ROBO1: variants seen among roughly 807,000 people sequenced by gnomAD.
The protein encoded by ROBO1 is roundabout guidance receptor 1, also known as roundabout homolog 1.
Under a neutral mutation model 195.9 loss-of-function variants are expected in ROBO1, and 149 were observed. The observed-to-expected ratio is 0.76, with a 90% CI of 0.67 to 0.87. The LOEUF is 0.87. Ranked by LOEUF, ROBO1 falls within the 40% of genes least tolerant of loss-of-function variation. The pLI is 0.00. For synonymous variants in ROBO1, 816 were observed against 733.2 expected, an observed-to-expected ratio of 1.11 and a Z score of -1.82; for missense variants, 1,933 against 2,068.3, an observed-to-expected ratio of 0.93 and a Z score of 1.27.
chr3:78,644,241 T>C (rs1474876323), intron 21 of ROBO1, among the ~76,000 whole-genome samples: 4 of 152,236 alleles, frequency 2.6e-5, no homozygotes, highest in African/African-American at 9.6e-5. Flanking sequence ...GTAGCATTTA[T>C]CAACTGCTGA....
chr3:79,763,068 T>C (rs1323567178), intron 1 of ROBO1, among the ~76,000 whole-genome samples: 2 of 152,196 alleles, frequency 1.3e-5, no homozygotes, highest in Non-Finnish European at 2.9e-5. Flanking sequence ...TTGAATGCTT[T>C]CCTTTAGGAC....
At chr3:79,203,825 T>C (rs552099502) in intron 2 of ROBO1, among the ~76,000 whole-genome samples, 46 of 152,292 alleles carry the variant, frequency 3.0e-4, no homozygotes, top group African/African-American at 1.1e-3. Context: ...CATAGTAACA[T>C]CATCGGTGGT....
intron 3 of ROBO1, among the ~76,000 whole-genome samples, chr3:79,095,729 T>C (rs375687588): frequency 6.6e-6 from 1 of 152,038 alleles, no homozygotes; most frequent in Non-Finnish European, 1.5e-5. Context: ...ACAAGATGAG[T>C]TCTCTCTCTT....
intron 2 of ROBO1, among the ~76,000 whole-genome samples, chr3:79,562,151 A>C (rs772408766): frequency 6.6e-6 from 1 of 152,108 alleles, no homozygotes; most frequent in Non-Finnish European, 1.5e-5. Context: ...TCAGAGTTCA[A>C]AATGTTCTGT....
chr3:79,193,713 T>C (rs1403534967), intron 2 of ROBO1, among the ~76,000 whole-genome samples: 3 of 150,892 alleles, frequency 2.0e-5, no homozygotes. Context: ...TTCTTACATA[T>C]GATGATAATT....
intron 10 of ROBO1, among the ~76,000 whole-genome samples, chr3:78,678,966 G>T (rs1344315479): frequency 2.6e-5 from 4 of 152,088 alleles, no homozygotes; most frequent in East Asian, 1.9e-4. Context: ...ACATCAAAAA[G>T]CTTATCCACC....
At chr3:79,376,432 GT>G (rs2036386903) in intron 2 of ROBO1, among the ~76,000 whole-genome samples, 1 of 152,122 alleles carries the variant, frequency 6.6e-6, no homozygotes. Flanking sequence ...TAGTGATATG[GT>G]TTGGCTGTGT....
chr3:79,365,506 A>T (rs2109318104), intron 2 of ROBO1, among the ~76,000 whole-genome samples: 1 of 152,272 alleles, frequency 6.6e-6, no homozygotes, highest in East Asian at 1.9e-4. Context: ...TTCATGAATA[A>T]GTAAAAGTCC....
chr3:78,828,403 C>A (rs1051604038), intron 4 of ROBO1, among the ~76,000 whole-genome samples: 4 of 152,098 alleles, frequency 2.6e-5, no homozygotes, highest in African/African-American at 9.7e-5. Flanking sequence ...TAATTTATTG[C>A]TGTAGTCTTC....
intron 8 of ROBO1, among the ~76,000 whole-genome samples, chr3:78,689,739 T>C (rs2081130526): frequency 6.6e-6 from 1 of 152,044 alleles, no homozygotes; most frequent in South Asian, 2.1e-4. Flanking sequence ...AGGGTTTGTC[T>C]ACTCCACTTT....
chr3:79,756,088 T>C (rs1040440637), intron 1 of ROBO1, among the ~76,000 whole-genome samples: 2 of 152,216 alleles, frequency 1.3e-5, no homozygotes, highest in African/African-American at 2.4e-5. Flanking sequence ...AATATACTTG[T>C]TTAGTATATT....
At position 78,631,378 on chromosome 3, in the gene ROBO1, T is replaced by C; in HGVS notation, c.3482-73A>G. ...TTTTCCATTAGTCACAAGTTAATTATTTTTTGTAAATATGATTTTATAATT... is the reference window on the plus strand; with the variant it reads ...TTTTCCATTAGTCACAAGTTAATTACTTTTTGTAAATATGATTTTATAATT... On this transcript the variant is annotated intron_variant, in intron 24 of 30. Transcript: ENST00000464233. 2.8e-6 allele frequency: 4 copies of C among 1,450,956 alleles called. No individual in the cohort carries two copies. The South Asian group carries it at 5.5e-5, about 20-fold the overall frequency. The allele number at this position is 1,450,956 out of a possible 1,614,324, so 89.9% of individuals were successfully genotyped here.
At chr3:79,396,635 G>A (rs1268393199) in intron 2 of ROBO1, among the ~76,000 whole-genome samples, 7 of 151,932 alleles carry the variant, frequency 4.6e-5, no homozygotes, top group African/African-American at 1.7e-4. Context: ...TTTTAAATAA[G>A]AATAAATGAA....
chr3:79,166,384 C>T (rs948628737), intron 2 of ROBO1, among the ~76,000 whole-genome samples: 1 of 151,930 alleles, frequency 6.6e-6, no homozygotes, highest in Non-Finnish European at 1.5e-5. Flanking sequence ...CATCTTATAC[C>T]TTCAATTGGA....
At chr3:79,495,912 T>C (rs1939704342) in intron 2 of ROBO1, among the ~76,000 whole-genome samples, 1 of 151,958 alleles carries the variant, frequency 6.6e-6, no homozygotes, top group Non-Finnish European at 1.5e-5. Flanking sequence ...AATAGGAATG[T>C]TAAAAAATGA....
intron 4 of ROBO1, among the ~76,000 whole-genome samples, chr3:78,922,663 G>A (rs1013677950): frequency 1.4e-5 from 2 of 142,138 alleles, no homozygotes; most frequent in African/African-American, 5.4e-5. Flanking sequence ...AGGCTGGAGT[G>A]CAGTGGCACG....
At chr3:79,556,612 T>TTATTTTATTGTATATATG (rs1260058808) in intron 2 of ROBO1, among the ~76,000 whole-genome samples, 1 of 152,018 alleles carries the variant, frequency 6.6e-6, no homozygotes, top group Non-Finnish European at 1.5e-5. Flanking sequence ...CATTGACAAA[T>TTATTTTATTGTATATATG]TATTTTATTG....
intron 4 of ROBO1, among the ~76,000 whole-genome samples, chr3:78,837,665 A>G (rs1383307774): frequency 6.6e-6 from 1 of 152,126 alleles, no homozygotes; most frequent in Non-Finnish European, 1.5e-5. Context: ...ATGGGAATAT[A>G]TAAGAAAGCA....
chr3:78,637,138 T>C (rs779394456), intron 22 of ROBO1, among the ~76,000 whole-genome samples: 2 of 151,746 alleles, frequency 1.3e-5, no homozygotes, highest in African/African-American at 2.4e-5. Flanking sequence ...ACCTGTAGCA[T>C]TGGTTTTTAA....
Sources: allele counts gnomAD v4.1 joint callset (sites outside exome capture counted in the v4.1 genomes callset), GRCh38; gene constraint gnomAD v4.1.1; transcripts MANE v1.5; gene names NCBI Gene and HGNC (gene_info 2026-07-23, HGNC 2026-07-21).